Variants in MYH15 observed in about 807,000 individuals in gnomAD.
MYH15 encodes the protein myosin heavy chain 15.
A neutral mutation model predicts 240.5 loss-of-function variants in MYH15; 227 were observed. That is an observed-to-expected ratio of 0.94 (90% CI 0.85 to 1.05). The LOEUF (loss-of-function observed/expected upper bound fraction) is 1.05. Ranked by LOEUF, MYH15 falls within the 50% of genes least tolerant of loss-of-function variation. MYH15 has a pLI of 0.00. For synonymous variants in MYH15, 785 were observed against 796.7 expected (o/e 0.99, Z 0.25); for missense variants, 2,217 against 2,247.5 (o/e 0.99, Z 0.27).
At chr3:108,525,371 GTAA>G (rs1272268823) in intron 1 of MYH15, among the ~76,000 whole-genome samples, 1 of 151,988 alleles carries the variant, frequency 6.6e-6, no homozygotes, top group Non-Finnish European at 1.5e-5. Flanking sequence ...TCACTCTCCA[GTAA>G]TAATCTTCTG....
chr3:108,535,900 G>A, the MYH15 span, among the ~76,000 whole-genome samples: 1 of 152,192 alleles, frequency 6.6e-6, no homozygotes, highest in African/African-American at 2.4e-5. Context: ...AGAATAGTTG[G>A]TAAGGGTTAT....
At chr3:108,495,100 C>T (rs2083380550) in intron 7 of MYH15, among the ~76,000 whole-genome samples, 1 of 152,170 alleles carries the variant, frequency 6.6e-6, no homozygotes, top group African/African-American at 2.4e-5. Flanking sequence ...GCCAAATCGG[C>T]ATGAGGTTAT....
intron 26 of MYH15, among the ~76,000 whole-genome samples, chr3:108,430,186 A>G (rs1394507875): frequency 1.3e-5 from 2 of 152,212 alleles, no homozygotes; most frequent in East Asian, 3.8e-4. Flanking sequence ...AATATCAGAA[A>G]GATGTTCCAA....
intron 21 of MYH15, among the ~76,000 whole-genome samples, chr3:108,446,410 G>A (rs2082928844): frequency 6.6e-6 from 1 of 152,222 alleles, no homozygotes. Context: ...GACAATGCCA[G>A]CTGGGCTGCC....
chr3:108,528,098 G>A (rs1178567013), intron 1 of MYH15, among the ~76,000 whole-genome samples: 1 of 151,992 alleles, frequency 6.6e-6, no homozygotes, highest in Non-Finnish European at 1.5e-5. Flanking sequence ...TGACCTAATC[G>A]CCTCTTAATA....
chr3:108,457,571 G>T (rs1431023268), intron 18 of MYH15, among the ~76,000 whole-genome samples: 3 of 151,100 alleles, frequency 2.0e-5, no homozygotes, highest in African/African-American at 4.9e-5. Context: ...CAAGTCTTCT[G>T]AAAGAAGCCA....
At chr3:108,499,413 A>T (rs369255406) in intron 5 of MYH15, 42 bp downstream of exon 5, 3 of 1,602,854 alleles carry the variant, frequency 1.9e-6, no homozygotes, top group Non-Finnish European at 2.6e-6. Flanking sequence ...TTTCACTGAA[A>T]CTTACTTCAG....
intron 37 of MYH15, among the ~76,000 whole-genome samples, chr3:108,390,301 A>G (rs1256272493): frequency 6.6e-6 from 1 of 152,182 alleles, no homozygotes; most frequent in Non-Finnish European, 1.5e-5. Flanking sequence ...TAAGAATATT[A>G]ACCATAATTC....
At chr3:108,546,515 T>C in the MYH15 span, among the ~76,000 whole-genome samples, 1 of 152,180 alleles carries the variant, frequency 6.6e-6, no homozygotes, top group Non-Finnish European at 1.5e-5. Context: ...TCCACTCTGT[T>C]GACTTTGAAA....
chr3:108,493,140 A>G lies in MYH15; in HGVS notation c.749T>C (p.Met250Thr). ...FIRMHFGARG[M>T]LSSVDIDIYL... The stretch of plus-strand genomic sequence containing the variant: ...GATATCAATGTCCACAGATGACAGC[A>G]TGCCTCTGGCACCAAAGTGCATCCT... Residue 250 changes from methionine (M) to threonine (T), a missense_variant, in exon 8 of 41, where the codon ATG becomes ACG. Met to Thr is a moderately conservative substitution (Grantham distance 81). Coordinates refer to ENST00000693548, the MANE Select transcript of MYH15 (RefSeq NM_014981.3). 2 of 1,614,182 alleles carry G rather than the reference A, an allele frequency of 1.2e-6. No individual in the cohort carries two copies. The highest frequency in any genetic ancestry group is 8.5e-7 in the Non-Finnish European group (1 of 1,180,016).
At chr3:108,431,920 A>G (rs187817433) in intron 25 of MYH15, among the ~76,000 whole-genome samples, 13 of 152,312 alleles carry the variant, frequency 8.5e-5, no homozygotes, top group African/African-American at 3.1e-4. Flanking sequence ...TAGCAAAGAG[A>G]CTGGTGGCAT....
chr3:108,419,932 T>C (rs1197316801), intron 28 of MYH15, among the ~76,000 whole-genome samples: 2 of 152,196 alleles, frequency 1.3e-5, no homozygotes, highest in African/African-American at 4.8e-5. Context: ...CTGATTTTAG[T>C]TATAGATAAA....
chr3:108,395,570 C>A (rs2082453352), intron 35 of MYH15, among the ~76,000 whole-genome samples: 1 of 150,796 alleles, frequency 6.6e-6, no homozygotes, highest in Admixed American at 6.6e-5. Context: ...TTAAAATTTG[C>A]TAGGGAGACA....
intron 16 of MYH15, among the ~76,000 whole-genome samples, chr3:108,461,067 C>A (rs2083067813): frequency 6.6e-6 from 1 of 152,152 alleles, no homozygotes; most frequent in Non-Finnish European, 1.5e-5. Context: ...GCTAGGCCAA[C>A]CAGCTTTACA....
intron 5 of MYH15, 52 bp from the exon 6 acceptor site, chr3:108,498,197 A>G: frequency 1.3e-6 from 2 of 1,530,486 alleles, no homozygotes; most frequent in Non-Finnish European, 9.1e-7. Flanking sequence ...TATCAATGCA[A>G]CGAAAGTTAG....
intron 11 of MYH15, 125 bp downstream of exon 11, chr3:108,484,966 C>T: frequency 3.9e-6 from 4 of 1,022,956 alleles, no homozygotes; most frequent in Admixed American, 2.5e-5. Flanking sequence ...TTTTGAAGAA[C>T]AGCAATCAAG....
chr3:108,445,579 G>GA (rs926300869), intron 21 of MYH15, among the ~76,000 whole-genome samples: 35 of 149,568 alleles, frequency 2.3e-4, no homozygotes, highest in Middle Eastern at 3.5e-3. Flanking sequence ...AAATTACACT[G>GA]AAAAAAAAAT....
At chr3:108,495,973 A>G (rs1203456760) in intron 6 of MYH15, 101 bp from the exon 7 acceptor site, 8 of 813,142 alleles carry the variant, frequency 9.8e-6, no homozygotes, top group Non-Finnish European at 1.5e-5. Context: ...TCTTGCTTTG[A>G]TAACCAATGG....
intron 22 of MYH15, among the ~76,000 whole-genome samples, chr3:108,444,070 C>T (rs1040698285): frequency 8.0e-5 from 12 of 149,662 alleles, no homozygotes; most frequent in Non-Finnish European, 1.3e-4. Context: ...ATGGGTGCAG[C>T]ACACCAGCAT....
Sources: gnomAD v4.1 joint callset for allele counts (sites outside exome capture counted in the v4.1 genomes callset) on GRCh38, gnomAD v4.1.1 for gene constraint, MANE v1.5 for transcripts, NCBI Gene and HGNC (gene_info 2026-07-23, HGNC 2026-07-21) for gene names.